The following NCAN variants were observed in gnomAD, a reference collection of about 807,000 sequenced individuals.
NCAN encodes neurocan core protein.
Under a neutral mutation model 121.8 loss-of-function variants are expected in NCAN, and 47 were observed. The ratio of observed to expected loss-of-function variants is 0.39; its 90% CI spans 0.31 to 0.49. NCAN has a LOEUF of 0.49. Ranked by LOEUF, NCAN falls within the 20% of genes least tolerant of loss-of-function variation. The pLI is 0.92. For synonymous variants in NCAN, 633 were observed against 702.0 expected, an observed-to-expected ratio of 0.90 and a Z score of 1.55; for missense variants, 1,517 against 1,773.4, an observed-to-expected ratio of 0.86 and a Z score of 2.60.
rs1010607184 is a variant in NCAN, at chr19:19,228,016, T to A, written c.2396T>A (p.Leu799Gln). The change falls in exon 8 of 15, where the codon CTG becomes CAG. Residue 799 changes from leucine (L) to glutamine (Q), a missense_variant. Physicochemically the swap from Leu to Gln is moderately radical, Grantham distance 113 (BLOSUM62 -2). Coordinates refer to ENST00000252575, the MANE Select transcript of NCAN (RefSeq NM_004386.3). ...GATGCAAGTTCCCCATCTGCCCCCCTGGGGAGCCCTGGAGTCTTCTTGGTA... is the reference window on the plus strand; with the variant it reads ...GATGCAAGTTCCCCATCTGCCCCCCAGGGGAGCCCTGGAGTCTTCTTGGTA... ...GLDASSPSAP[L>Q]GSPGVFLVPK... 2.5e-6 allele frequency: 4 copies of A among 1,613,452 alleles called. 1 individual carries two copies. Among genetic ancestry groups the A allele is most frequent in the Non-Finnish European group, 3.4e-6 (4 of 1,179,996 alleles).
At chr19:19,234,917 T>G (rs1027634841) in intron 9 of NCAN, 66 bp from the exon 10 acceptor site, 5 of 1,023,454 alleles carry the variant, frequency 4.9e-6, no homozygotes, top group Non-Finnish European at 7.4e-6. Flanking sequence ...TCTGCTTAGT[T>G]TCCTGTGGGG....
In NCAN at chr19:19,227,563, C is replaced by A; in HGVS notation, c.1943C>A (p.Thr648Asn). 1.2e-6 allele frequency: 2 copies of A among 1,613,920 alleles called. No homozygotes were observed. The highest frequency in any genetic ancestry group is 1.7e-6 in the Non-Finnish European group (2 of 1,180,010). The stretch of plus-strand genomic sequence containing the variant: ...AAAGAGTGGATGCTACCACACCCCA[C>A]CCCCATCTCCACCGAGGCCAATAGA... Reference protein sequence around the residue: ...GPKEWMLPHPTPISTEANRVE... With the variant: ...GPKEWMLPHPNPISTEANRVE... Residue 648 changes from threonine (T) to asparagine (N), a missense_variant, in exon 8 of 15, where the codon ACC (threonine) becomes AAC (asparagine). Thr to Asn is a moderately conservative substitution (Grantham distance 65). Transcript: ENST00000252575. This position sits in a 1 kb window ranked among gnomAD's most constrained non-coding sequence, Gnocchi z 4.2.
At chr19:19,241,144 T>TA (rs1429166372) in intron 12 of NCAN, among the ~76,000 whole-genome samples, 1 of 151,980 alleles carries the variant, frequency 6.6e-6, no homozygotes, top group Non-Finnish European at 1.5e-5. Flanking sequence ...TAATCCCAGC[T>TA]ACTCAGGAGG....
intron 3 of NCAN, 32 bp downstream of exon 3, chr19:19,219,348 CG>C: frequency 6.9e-7 from 1 of 1,451,088 alleles, no homozygotes; most frequent in Non-Finnish European, 9.1e-7. Context: ...GGCCGGGGGC[CG>C]GGGAGAGGGA....
At chr19:19,247,956 C>T (rs1446950503) in intron 13 of NCAN, among the ~76,000 whole-genome samples, 8 of 151,876 alleles carry the variant, frequency 5.3e-5, no homozygotes, top group East Asian at 1.9e-4. Flanking sequence ...AAAACTAGCC[C>T]GGGCAACATA....
At chr19:19,214,127 A>G (rs967636494) in intron 1 of NCAN, among the ~76,000 whole-genome samples, 2 of 152,148 alleles carry the variant, frequency 1.3e-5, no homozygotes, top group African/African-American at 4.8e-5. Flanking sequence ...ACAAATGCCC[A>G]TTGGCAAACT....
At chr19:19,219,862 A>C (rs1313484103) in intron 3 of NCAN, among the ~76,000 whole-genome samples, 1 of 135,018 alleles carries the variant, frequency 7.4e-6, no homozygotes, top group Non-Finnish European at 1.6e-5. Context: ...CCGTCTTTAA[A>C]AAAAAAAAAA....
chr19:19,225,171 TGCGGGGGCCC>T lies in NCAN; in HGVS notation c.974_983del (p.Cys325Ter). 1 of 1,536,160 alleles carries T rather than the reference TGCGGGGGCCC, an allele frequency of 6.5e-7. No homozygotes were observed. The highest frequency in any genetic ancestry group is 1.2e-5 in the South Asian group (1 of 83,752). On this transcript the variant is annotated frameshift_variant, in exon 6 of 15. Coordinates refer to ENST00000252575, the MANE Select transcript of NCAN (RefSeq NM_004386.3). LOFTEE classifies it high-confidence loss of function. The surrounding 1 kb of genome is among the most constrained non-coding windows in gnomAD (Gnocchi z 4.0). ...CCCGATCCAGACGCCGCGCCGGCGC[TGCGGGGGCCC>T]AGCCCCGGGCGTGCGCACCGTCTAC...
In NCAN at chr19:19,228,233, G is replaced by A. The variant is rs375566714; in HGVS notation, c.2613G>A (p.Thr871=). 7.4e-6 allele frequency: 12 copies of A among 1,613,740 alleles called. No homozygotes were observed. The highest frequency in any genetic ancestry group is 2.7e-5 in the African/African-American group (2 of 74,884). Residue 871 remains threonine (T), a synonymous_variant, in exon 8 of 15, where the codon ACG becomes ACA. Transcript: ENST00000252575. ...TGGCCCTGGATACAAGCATTGTGAC[G>A]CCCCTCACGACCCTGGAGCAGGGGG... is the stretch of plus-strand genomic sequence containing the variant. ...PQVALDTSIV[T]PLTTLEQGDK... is the part of the protein sequence containing the mutation.
chr19:19,227,293 G>T lies in NCAN; in HGVS notation c.1673G>T (p.Gly558Val). Residue 558 changes from glycine (G) to valine (V), a missense_variant, in exon 8 of 15, where the codon GGC becomes GTC. Gly to Val is a moderately radical substitution (Grantham distance 109). Coordinates refer to ENST00000252575, the MANE Select transcript of NCAN (RefSeq NM_004386.3). The surrounding 1 kb of genome is among the most constrained non-coding windows in gnomAD (Gnocchi z 4.2). ...GATGTTGTTGCAGGTTCTGCTGGTG[G>T]CAAGAGCTCCCCAGAGCCCTGGCTG... ...VDMPGAGSAG[G>V]KSSPEPWLWP... 2 of 1,552,436 alleles carry T rather than the reference G, an allele frequency of 1.3e-6. No homozygotes were observed. The highest frequency in any genetic ancestry group is 1.7e-6 in the Non-Finnish European group (2 of 1,150,808).
chr19:19,241,552 T>C (rs1481001870), intron 12 of NCAN, among the ~76,000 whole-genome samples: 1 of 151,910 alleles, frequency 6.6e-6, no homozygotes, highest in Non-Finnish European at 1.5e-5. Flanking sequence ...CAGTTAAACA[T>C]AGAAGCTGGG....
Position 19,250,082 on chromosome 19 carries a change from A to G in NCAN, c.*171A>G, listed in dbSNP as rs1482886140. The stretch of plus-strand genomic sequence containing the variant: ...AAGCTCCTCTTTTCCCTTTTTTTAC[A>G]TACACAAGATCCTCTTGGCAGGTGG... On this transcript the variant is annotated 3_prime_UTR_variant, in exon 15 of 15. Coordinates refer to ENST00000252575, the MANE Select transcript of NCAN (RefSeq NM_004386.3). 5.1e-6 allele frequency: 4 copies of G among 788,330 alleles called. No individual in the cohort carries two copies. The African/African-American group carries it at 6.8e-5, about 13-fold the overall frequency. 48.8% of individuals were successfully genotyped at this position (788,330 alleles called of 1,614,324 possible).
At chr19:19,247,820 T>C (rs1400820191) in intron 13 of NCAN, among the ~76,000 whole-genome samples, 1 of 152,096 alleles carries the variant, frequency 6.6e-6, no homozygotes, top group African/African-American at 2.4e-5. Flanking sequence ...CTGATTTGGG[T>C]AGAAGAGACA....
At chr19:19,245,552 A>ACT in intron 13 of NCAN, 95 bp downstream of exon 13, 6 of 1,420,370 alleles carry the variant, frequency 4.2e-6, no homozygotes, top group Non-Finnish European at 4.8e-6. Flanking sequence ...ATCATGGCTC[A>ACT]TCACAGCCTC....
At chr19:19,221,574 T>A (rs1003726001) in intron 3 of NCAN, among the ~76,000 whole-genome samples, 5 of 150,502 alleles carry the variant, frequency 3.3e-5, no homozygotes, top group African/African-American at 4.9e-5. Context: ...ATCTTAAAAA[T>A]AATAATAATA....
chr19:19,243,081 GA>G (rs970617456), intron 12 of NCAN, among the ~76,000 whole-genome samples: 9 of 151,784 alleles, frequency 5.9e-5, no homozygotes, highest in Non-Finnish European at 1.3e-4. Flanking sequence ...GCTGTTGTAT[GA>G]TTTTTTTTTT....
chr19:19,249,646 G>A, intron 14 of NCAN, 120 bp from the exon 15 acceptor site: 1 of 1,435,106 alleles, frequency 7.0e-7, no homozygotes. Context: ...GGATGACAGG[G>A]ATGAGCCCTC....
Position 19,227,604 on chromosome 19 carries a change from G to A in NCAN, c.1984G>A (p.Glu662Lys). The change falls in exon 8 of 15, where the codon GAG becomes AAG. Residue 662 changes from glutamate (E) to lysine (K), a missense_variant. Coordinates refer to ENST00000252575, the MANE Select transcript of NCAN (RefSeq NM_004386.3). This position sits in a 1 kb window ranked among gnomAD's most constrained non-coding sequence, Gnocchi z 4.2. ...TEANRVEAHG[E>K]ATATAPPSPA... ...GGCCAATAGAGTTGAGGCACATGGT[G>A]AGGCCACCGCCACGGCTCCACCCTC... 2 of 1,613,836 alleles carry A rather than the reference G, an allele frequency of 1.2e-6. No homozygotes were observed. The highest frequency in any genetic ancestry group is 1.7e-6 in the Non-Finnish European group (2 of 1,180,014).
Position 19,212,799 on chromosome 19 carries a change from C to A in NCAN, c.-8+735C>A, listed in dbSNP as rs2060780111. Among the ~76,000 whole-genome samples the A allele has an allele frequency of 6.6e-6, 1 of 152,148 alleles. No individual in the cohort carries two copies. The highest frequency in any genetic ancestry group is 2.4e-5 in the African/African-American group (1 of 41,428). On this transcript the variant is annotated intron_variant, in intron 1 of 14. Transcript: ENST00000252575. This position sits in a 1 kb window ranked among gnomAD's most constrained non-coding sequence, Gnocchi z 4.5. ...GAATGTTGGGTGGGGGTCCCCTAGACCCCCCAGCTATGGATCCCCAGGACC... is the reference window on the plus strand; with the variant it reads ...GAATGTTGGGTGGGGGTCCCCTAGAACCCCCAGCTATGGATCCCCAGGACC...
Sources: gnomAD v4.1 joint callset for allele counts (sites outside exome capture counted in the v4.1 genomes callset) on GRCh38, gnomAD v4.1.1 for gene constraint, Gnocchi (gnomAD v3.1) non-coding constraint, MANE v1.5 for transcripts, NCBI Gene and HGNC (gene_info 2026-07-23, HGNC 2026-07-21) for gene names.